Variants in ARHGAP26 observed in about 807,000 individuals in gnomAD.
ARHGAP26 encodes Rho GTPase activating protein 26.
A neutral mutation model predicts 104.8 loss-of-function variants in ARHGAP26; 38 were observed. The observed-to-expected ratio is 0.36, with a 90% CI of 0.28 to 0.48. The LOEUF (loss-of-function observed/expected upper bound fraction) is 0.48. Among genes scored for constraint, ARHGAP26 ranks in the 20% least tolerant of loss-of-function variants. The pLI is 0.99. For missense variants in ARHGAP26, 704 were observed against 947.9 expected, an observed-to-expected ratio of 0.74 and a Z score of 3.38; for synonymous variants, 341 against 340.0, an observed-to-expected ratio of 1.00 and a Z score of -0.03.
At chr5:142,839,046 C>T (rs970871365) in intron 1 of ARHGAP26, among the ~76,000 whole-genome samples, 13 of 152,196 alleles carry the variant, frequency 8.5e-5, no homozygotes, top group Non-Finnish European at 7.3e-5. Flanking sequence ...TCCTGGACTC[C>T]GTCCTAGATT....
intron 19 of ARHGAP26, among the ~76,000 whole-genome samples, chr5:143,138,948 T>C (rs1192437208): frequency 6.6e-6 from 1 of 152,118 alleles, no homozygotes; most frequent in Non-Finnish European, 1.5e-5. Context: ...AACCAGTCGT[T>C]ATTTTGCTTT....
At chr5:142,903,943 C>T (rs1760727617) in intron 8 of ARHGAP26, among the ~76,000 whole-genome samples, 1 of 152,110 alleles carries the variant, frequency 6.6e-6, no homozygotes, top group African/African-American at 2.4e-5. Context: ...CTTGGGGTTC[C>T]TGTACCCCTA....
At position 142,856,315 on chromosome 5, in the gene ARHGAP26, G is replaced by A. The variant is rs555106330; in HGVS notation, c.155-17085G>A. ...CGGTTGGTTGTGTTGGTCAGGGTGG[G>A]AGAGGCCTTTCGGGCCAAGGAGGAT... is the stretch of plus-strand genomic sequence containing the variant. On this transcript the variant is annotated intron_variant, in intron 1 of 22. Transcript: ENST00000645722. Among the ~76,000 whole-genome samples, 476 of 152,338 alleles carry A rather than the reference G, an allele frequency of 3.1e-3. 3 individuals are homozygous for A. Among genetic ancestry groups the A allele is most frequent in the African/African-American group, 0.011 (448 of 41,570 alleles).
At chr5:143,136,426 A>G (rs1204792074) in intron 19 of ARHGAP26, among the ~76,000 whole-genome samples, 1 of 152,184 alleles carries the variant, frequency 6.6e-6, no homozygotes, top group Admixed American at 6.5e-5. Flanking sequence ...ACCGGAGCAT[A>G]CAGATATGCT....
At chr5:143,195,679 A>G (rs1220849433) in intron 20 of ARHGAP26, among the ~76,000 whole-genome samples, 2 of 152,214 alleles carry the variant, frequency 1.3e-5, no homozygotes, top group Non-Finnish European at 2.9e-5. Flanking sequence ...AAACAGTACA[A>G]GTTGGGAGCT....
intron 20 of ARHGAP26, among the ~76,000 whole-genome samples, chr5:143,151,356 A>G (rs1284386426): frequency 4.6e-5 from 7 of 152,250 alleles, no homozygotes; most frequent in Non-Finnish European, 8.8e-5. Context: ...TTTAGAAGAC[A>G]GTTTGGTGGT....
intron 14 of ARHGAP26, among the ~76,000 whole-genome samples, chr5:143,048,196 T>C (rs1238350837): frequency 6.6e-6 from 1 of 152,142 alleles, no homozygotes; most frequent in East Asian, 1.9e-4. Flanking sequence ...CTATAGACTA[T>C]ATTTTCAATA....
rs946432732 is a variant in ARHGAP26, at chr5:143,223,765, A to G, written c.*1319A>G. Reference sequence around the variant, plus strand: ...TATAGGCCATTGTGATTCAGGAAGAAACCCAAGGTTGGAGGGTGGGATGAG... The same window carrying G: ...TATAGGCCATTGTGATTCAGGAAGAGACCCAAGGTTGGAGGGTGGGATGAG... On this transcript the variant is annotated 3_prime_UTR_variant, in exon 23 of 23. Coordinates refer to ENST00000645722, the MANE Select transcript of ARHGAP26 (RefSeq NM_001135608.3). The G allele has an allele frequency of 6.5e-5, 15 of 232,262 alleles. No homozygotes were observed. The highest frequency in any genetic ancestry group is 1.1e-4 in the Admixed American group (2 of 17,728). 14.4% of individuals were successfully genotyped at this position (232,262 alleles called of 1,614,324 possible). A position where few individuals can be genotyped will look rare whatever the true frequency, so the allele number is the denominator to read the frequency against.
At chr5:142,893,820 A>G (rs912516630) in intron 5 of ARHGAP26, among the ~76,000 whole-genome samples, 16 of 151,862 alleles carry the variant, frequency 1.1e-4, no homozygotes, top group African/African-American at 3.9e-4. Context: ...TTTGACTTTC[A>G]TTTCCCTGAT....
At chr5:143,156,772 G>A (rs530769776) in intron 20 of ARHGAP26, among the ~76,000 whole-genome samples, 2 of 152,270 alleles carry the variant, frequency 1.3e-5, no homozygotes, top group Non-Finnish European at 2.9e-5. Flanking sequence ...AGCTCTGCCC[G>A]TGGCCTTTGG....
intron 1 of ARHGAP26, among the ~76,000 whole-genome samples, chr5:142,818,913 C>T (rs901836740): frequency 1.3e-5 from 2 of 152,028 alleles, no homozygotes; most frequent in African/African-American, 4.8e-5. Context: ...CAAGCCCTAC[C>T]CTCTTTTGGG....
At chr5:142,882,726 A>C (rs1041423795) in intron 4 of ARHGAP26, among the ~76,000 whole-genome samples, 1 of 152,154 alleles carries the variant, frequency 6.6e-6, no homozygotes, top group Non-Finnish European at 1.5e-5. Context: ...CCTGCCAAGC[A>C]CTGTATGTGG....
At position 143,106,712 on chromosome 5, in the gene ARHGAP26, A is replaced by T. The variant is rs112254353; in HGVS notation, c.1539-14276A>T. Among the ~76,000 whole-genome samples the T allele has an allele frequency of 3.8e-3, 581 of 152,174 alleles. 3 individuals are homozygous for T. Among genetic ancestry groups the T allele is most frequent in the African/African-American group, 0.013 (553 of 41,520 alleles). ...GCTCTCGAACTCCTGACCTCAGGTG[A>T]TCCACCCACCTCGGCCTTCCAAAGT... is the stretch of plus-strand genomic sequence containing the variant. On this transcript the variant is annotated intron_variant, in intron 17 of 22. Transcript: ENST00000645722.
chr5:143,034,762 T>A (rs1782371908), intron 12 of ARHGAP26, among the ~76,000 whole-genome samples: 1 of 147,238 alleles, frequency 6.8e-6, no homozygotes, highest in Non-Finnish European at 1.5e-5. Context: ...AGCTGTTATT[T>A]AAAAAAAAAA....
At chr5:142,803,593 TC>T (rs1328488240) in intron 1 of ARHGAP26, among the ~76,000 whole-genome samples, 2 of 152,226 alleles carry the variant, frequency 1.3e-5, no homozygotes, top group Non-Finnish European at 2.9e-5. Context: ...TGATGACACT[TC>T]CTTCAACCTC....
intron 17 of ARHGAP26, among the ~76,000 whole-genome samples, chr5:143,118,352 C>T (rs778297965): frequency 6.6e-6 from 1 of 152,092 alleles, no homozygotes; most frequent in Non-Finnish European, 1.5e-5. Flanking sequence ...AGATGAGGAA[C>T]CCAAAGCTTA....
intron 19 of ARHGAP26, among the ~76,000 whole-genome samples, chr5:143,145,282 A>G (rs985857700): frequency 6.6e-5 from 10 of 152,176 alleles, no homozygotes; most frequent in Admixed American, 3.9e-4. Flanking sequence ...GTTCCCTAAG[A>G]ATTCTGAGAA....
chr5:143,170,237 CT>C (rs1414217637), intron 20 of ARHGAP26: 2 of 152,184 alleles, frequency 1.3e-5, no homozygotes, highest in Non-Finnish European at 2.9e-5. Flanking sequence ...CCCTTGTCTT[CT>C]GTGAGAGCCA....
At chr5:143,033,329 A>G (rs1188263567) in intron 12 of ARHGAP26, among the ~76,000 whole-genome samples, 1 of 152,236 alleles carries the variant, frequency 6.6e-6, no homozygotes, top group Non-Finnish European at 1.5e-5. Context: ...TTGAATGTGG[A>G]GGTTTTGCTT....
Sources: gnomAD v4.1 joint callset for allele counts (sites outside exome capture counted in the v4.1 genomes callset) on GRCh38, gnomAD v4.1.1 for gene constraint, MANE v1.5 for transcripts, NCBI Gene and HGNC (gene_info 2026-07-23, HGNC 2026-07-21) for gene names.